The following BMPR2 variants were observed in gnomAD, a reference collection of about 807,000 sequenced individuals.
BMPR2 encodes the protein bone morphogenetic protein receptor type 2, also known as bone morphogenetic protein receptor type-2.
In BMPR2, 29 loss-of-function variants were observed where a neutral mutation model predicts 100.8. The observed-to-expected ratio is 0.29, with a 90% CI of 0.21 to 0.39. BMPR2 has a LOEUF of 0.39. Ranked by LOEUF, BMPR2 falls within the 10% of genes least tolerant of loss-of-function variation. The pLI is 1.00. For synonymous variants in BMPR2, 382 were observed against 442.3 expected (o/e 0.86, Z 1.71); for missense variants, 1,011 against 1,274.5 (o/e 0.79, Z 3.15).
At chr2:202,484,985 AAAAG>A (rs1420848511) in intron 3 of BMPR2, among the ~76,000 whole-genome samples, 225 of 148,794 alleles carry the variant, frequency 1.5e-3, no homozygotes, top group African/African-American at 4.0e-3. Context: ...AAAAAAAAAA[AAAAG>A]AAAGAAAGAA....
At chr2:202,497,555 T>C (rs1287627207) in intron 3 of BMPR2, among the ~76,000 whole-genome samples, 2 of 152,164 alleles carry the variant, frequency 1.3e-5, no homozygotes, top group Admixed American at 6.5e-5. Context: ...ACTTCTGGAC[T>C]GAGTCAAGGG....
intron 7 of BMPR2, among the ~76,000 whole-genome samples, chr2:202,526,582 G>A (rs953284741): frequency 9.2e-5 from 14 of 152,222 alleles, no homozygotes; most frequent in Non-Finnish European, 1.8e-4. Context: ...CCATTGGACT[G>A]TGTCCACTTA....
At chr2:202,420,449 T>C (rs1459268913) in intron 1 of BMPR2, among the ~76,000 whole-genome samples, 2 of 152,006 alleles carry the variant, frequency 1.3e-5, no homozygotes, top group Non-Finnish European at 2.9e-5. Flanking sequence ...GGGTTTAAGT[T>C]GAAGGATGAG....
chr2:202,469,483 T>C, intron 3 of BMPR2: 1 of 315,428 alleles, frequency 3.2e-6, no homozygotes, highest in Non-Finnish European at 6.4e-6. Context: ...TTTATTTTAT[T>C]TATTTATTTT....
rs374919327 is a variant in BMPR2 at position 202,469,848 on chromosome 2, GA to G, written c.418+2166del. Among the ~76,000 whole-genome samples the G allele has an allele frequency of 3.7e-3, 562 of 152,190 alleles. 2 individuals carry two copies. The highest frequency in any genetic ancestry group is 9.9e-3 in the African/African-American group (413 of 41,544). On this transcript the variant is annotated intron_variant, in intron 3 of 12. Coordinates refer to ENST00000374580, the MANE Select transcript of BMPR2 (RefSeq NM_001204.7). Reference sequence around the variant, plus strand: ...CAAAGTTATTGAAAGATAAGGGGGGGAAAAAAAGCCCTGAAGAGAAAAAGAA... The same window carrying G: ...CAAAGTTATTGAAAGATAAGGGGGGGAAAAAAGCCCTGAAGAGAAAAAGAA...
chr2:202,505,592 G>A (rs1287680234), intron 3 of BMPR2, among the ~76,000 whole-genome samples: 2 of 152,116 alleles, frequency 1.3e-5, no homozygotes, highest in Non-Finnish European at 2.9e-5. Flanking sequence ...ACATTGTTGT[G>A]CCTTTTATGA....
At position 202,466,427 on chromosome 2, in the gene BMPR2, C is replaced by T. The variant is rs866715150; in HGVS notation, c.248-1092C>T. ...TCAGCCTGCCAAGTAGCTGGGACTACAGGTGCGCACCACCACGCCCAGCTA... is the reference window on the plus strand; with the variant it reads ...TCAGCCTGCCAAGTAGCTGGGACTATAGGTGCGCACCACCACGCCCAGCTA... On this transcript the variant is annotated intron_variant, in intron 2 of 12. Transcript: ENST00000374580. Among the ~76,000 whole-genome samples, 5 of 152,010 alleles carry T rather than the reference C, an allele frequency of 3.3e-5. No individual in the cohort carries two copies. In the South Asian group the frequency reaches 6.2e-4, roughly 19 times the overall value.
At chr2:202,437,771 A>G (rs1026502195) in intron 1 of BMPR2, among the ~76,000 whole-genome samples, 4 of 150,604 alleles carry the variant, frequency 2.7e-5, no homozygotes, top group Non-Finnish European at 5.9e-5. Flanking sequence ...TTCAGGGTCC[A>G]TCCATGTTGT....
At chr2:202,557,873 T>G (rs1368023268) in intron 12 of BMPR2, among the ~76,000 whole-genome samples, 2 of 152,192 alleles carry the variant, frequency 1.3e-5, no homozygotes, top group African/African-American at 4.8e-5. Context: ...ATAAAGTAAA[T>G]ACAGTTCAAG....
At chr2:202,406,934 C>G (rs1430871957) in intron 1 of BMPR2, among the ~76,000 whole-genome samples, 1 of 151,684 alleles carries the variant, frequency 6.6e-6, no homozygotes, top group Non-Finnish European at 1.5e-5. Context: ...TTCTTTTTTA[C>G]TTTTTCTTTT....
intron 1 of BMPR2, among the ~76,000 whole-genome samples, chr2:202,415,191 TGG>T (rs1319218221): frequency 6.6e-6 from 1 of 152,024 alleles, no homozygotes; most frequent in East Asian, 1.9e-4. Flanking sequence ...GAGAAATTGT[TGG>T]GCTCAGTGGC....
At chr2:202,534,284 T>A (rs1386058850) in intron 9 of BMPR2, among the ~76,000 whole-genome samples, 1 of 150,868 alleles carries the variant, frequency 6.6e-6, no homozygotes, top group Non-Finnish European at 1.5e-5. Context: ...TTTTTATTGA[T>A]AATTCTTGGG....
chr2:202,538,796 A>G (rs1395439271), intron 9 of BMPR2, among the ~76,000 whole-genome samples: 2 of 149,380 alleles, frequency 1.3e-5, no homozygotes, highest in Non-Finnish European at 3.0e-5. Context: ...TCTGTCTCAA[A>G]AAAAAAAAAA....
chr2:202,448,646 C>T (rs1024268794), intron 1 of BMPR2, among the ~76,000 whole-genome samples: 2 of 150,552 alleles, frequency 1.3e-5, no homozygotes, highest in Non-Finnish European at 3.0e-5. Context: ...TTATTAGAGA[C>T]GGGGTTTCGA....
intron 7 of BMPR2, chr2:202,521,069 A>AC (rs1687811035): frequency 6.5e-6 from 1 of 153,286 alleles, no homozygotes; most frequent in Non-Finnish European, 1.5e-5. Context: ...GATGTAGGGG[A>AC]CCCAGGGGCA....
intron 3 of BMPR2, among the ~76,000 whole-genome samples, chr2:202,470,147 T>G (rs1387796124): frequency 6.6e-6 from 1 of 151,584 alleles, no homozygotes; most frequent in Non-Finnish European, 1.5e-5. Flanking sequence ...ATCAAGACCA[T>G]CCTGGCCAAC....
intron 1 of BMPR2, among the ~76,000 whole-genome samples, chr2:202,452,573 A>G (rs1692011462): frequency 6.6e-6 from 1 of 152,224 alleles, no homozygotes; most frequent in African/African-American, 2.4e-5. Flanking sequence ...ACTTGAGCCC[A>G]GGAGTTCAAG....
chr2:202,462,921 C>T lies in BMPR2; in HGVS notation c.77-1888C>T, dbSNP rs566137587. On this transcript the variant is annotated intron_variant, in intron 1 of 12. Coordinates refer to ENST00000374580, the MANE Select transcript of BMPR2 (RefSeq NM_001204.7). ...AGAAACAGGGTTTCACCATGTTAGC[C>T]AGGCTGGTCTCGAATGCTGACATCA... 1.6e-4 allele frequency among the ~76,000 whole-genome samples: 25 copies of T among 152,140 alleles called. 1 individual carries two copies. In the South Asian group the frequency reaches 4.2e-3, roughly 25 times the overall value.
At chr2:202,451,618 G>A (rs1691986314) in intron 1 of BMPR2, among the ~76,000 whole-genome samples, 1 of 152,162 alleles carries the variant, frequency 6.6e-6, no homozygotes, top group African/African-American at 2.4e-5. Context: ...AGAATTGCAT[G>A]AACCCAGGAG....
Sources: gnomAD v4.1 joint callset for allele counts (sites outside exome capture counted in the v4.1 genomes callset) on GRCh38, gnomAD v4.1.1 for gene constraint, MANE v1.5 for transcripts, NCBI Gene and HGNC (gene_info 2026-07-23, HGNC 2026-07-21) for gene names.